The following TRAPPC9 variants were observed in gnomAD, a reference collection of about 807,000 sequenced individuals.
The protein encoded by TRAPPC9 is IKK2 binding protein.
In TRAPPC9, 83 loss-of-function variants were observed where a neutral mutation model predicts 124.0. That is an observed-to-expected ratio of 0.67 (90% CI 0.56 to 0.80). TRAPPC9 has a LOEUF of 0.80. Ranked by LOEUF, TRAPPC9 falls within the 30% of genes least tolerant of loss-of-function variation. The pLI, the probability that TRAPPC9 is intolerant of heterozygous loss-of-function variation, is 0.00. For synonymous variants in TRAPPC9, 638 were observed against 617.5 expected, an observed-to-expected ratio of 1.03 and a Z score of -0.49; for missense variants, 1,302 against 1,508.3, an observed-to-expected ratio of 0.86 and a Z score of 2.27.
intron 17 of TRAPPC9, among the ~76,000 whole-genome samples, chr8:140,148,357 G>A (rs1413769451): frequency 2.6e-5 from 4 of 152,126 alleles, no homozygotes; most frequent in Admixed American, 6.6e-5. Context: ...TTCTAGACTC[G>A]GCTTAGTTAG....
At chr8:140,205,883 C>T (rs940775653) in intron 17 of TRAPPC9, among the ~76,000 whole-genome samples, 1 of 152,194 alleles carries the variant, frequency 6.6e-6, no homozygotes, top group Non-Finnish European at 1.5e-5. Context: ...ACTGACATTA[C>T]CTAGGAGAAG....
intron 7 of TRAPPC9, among the ~76,000 whole-genome samples, chr8:140,387,106 C>T (rs2132323705): frequency 6.6e-6 from 1 of 152,228 alleles, no homozygotes; most frequent in East Asian, 1.9e-4. Flanking sequence ...GGAAAACTGG[C>T]CAGCCATATT....
chr8:140,440,203 C>T (rs1175144849), intron 2 of TRAPPC9, among the ~76,000 whole-genome samples: 1 of 152,182 alleles, frequency 6.6e-6, no homozygotes. Flanking sequence ...AACAGACCCT[C>T]CCCATAAGAA....
intron 21 of TRAPPC9, among the ~76,000 whole-genome samples, chr8:139,750,474 G>A (rs1819239417): frequency 6.6e-6 from 1 of 152,192 alleles, no homozygotes. Context: ...AGTGTGCAGA[G>A]GAGCACCTTA....
chr8:140,163,831 G>A (rs2061788989), intron 17 of TRAPPC9, among the ~76,000 whole-genome samples: 1 of 152,110 alleles, frequency 6.6e-6, no homozygotes, highest in Non-Finnish European at 1.5e-5. Flanking sequence ...TTAACTCCAG[G>A]AGCAAGAAGA....
chr8:140,017,391 T>C (rs1839538651), intron 18 of TRAPPC9, among the ~76,000 whole-genome samples: 1 of 152,224 alleles, frequency 6.6e-6, no homozygotes, highest in African/African-American at 2.4e-5. Flanking sequence ...CTCCAGTGAA[T>C]TCTTGGGCAG....
chr8:140,236,956 G>C (rs185889206), intron 16 of TRAPPC9, among the ~76,000 whole-genome samples: 124 of 152,164 alleles, frequency 8.1e-4, no homozygotes, highest in African/African-American at 2.8e-3. Flanking sequence ...CAGGGAGGGC[G>C]GATCACCGGA....
intron 7 of TRAPPC9, among the ~76,000 whole-genome samples, chr8:140,389,938 CATGAAGTAGATGTAATT>C (rs1484898733): frequency 6.6e-6 from 1 of 151,852 alleles, no homozygotes; most frequent in African/African-American, 2.4e-5. Flanking sequence ...AAATGTCTGC[CATGAAGTAGATGTAATT>C]ATTAAGGGTA....
At chr8:139,861,735 T>A (rs1024494777) in intron 21 of TRAPPC9, among the ~76,000 whole-genome samples, 2 of 151,804 alleles carry the variant, frequency 1.3e-5, no homozygotes, top group African/African-American at 4.8e-5. Flanking sequence ...AATCGAGTGG[T>A]TTTGAACAGA....
At chr8:140,291,926 A>T (rs1385734868) in intron 11 of TRAPPC9, among the ~76,000 whole-genome samples, 1 of 152,192 alleles carries the variant, frequency 6.6e-6, no homozygotes, top group Non-Finnish European at 1.5e-5. Flanking sequence ...GAGTCGTGAG[A>T]GCAGGCCCTT....
In TRAPPC9 at chr8:140,311,390, A is replaced by G. The variant is rs1482888339; in HGVS notation, c.1496-16T>C. The G allele has an allele frequency of 1.2e-6, 2 of 1,612,728 alleles. No homozygotes were observed. Among genetic ancestry groups the G allele is most frequent in the Admixed American group, 1.7e-5 (1 of 60,004 alleles). On this transcript the variant is annotated splice_polypyrimidine_tract_variant and intron_variant, in intron 9 of 22. Coordinates refer to ENST00000438773, the MANE Select transcript of TRAPPC9 (RefSeq NM_001160372.4). ...TCTTTCTTTTCTGAAGAGAAGATGA[A>G]AACAAAATAAAGATGTATTAGGCAA...
At chr8:140,293,011 AT>A (rs1433677562) in intron 11 of TRAPPC9, among the ~76,000 whole-genome samples, 1 of 147,122 alleles carries the variant, frequency 6.8e-6, no homozygotes, top group Non-Finnish European at 1.5e-5. Flanking sequence ...ACTCAAACAA[AT>A]TTACAAGAAA....
intron 13 of TRAPPC9, among the ~76,000 whole-genome samples, chr8:140,285,452 C>T (rs1211632999): frequency 6.6e-6 from 1 of 152,204 alleles, no homozygotes; most frequent in Non-Finnish European, 1.5e-5. Context: ...TGAGGGATGG[C>T]TCTGAACTGC....
At chr8:140,313,634 A>G (rs1447819794) in intron 9 of TRAPPC9, among the ~76,000 whole-genome samples, 1 of 152,068 alleles carries the variant, frequency 6.6e-6, no homozygotes, top group African/African-American at 2.4e-5. Context: ...ATGCCTCAAT[A>G]TTCACTTACT....
At chr8:140,312,661 T>C (rs550063733) in intron 9 of TRAPPC9, among the ~76,000 whole-genome samples, 17 of 151,994 alleles carry the variant, frequency 1.1e-4, no homozygotes, top group Non-Finnish European at 1.9e-4. Context: ...ATAATAAATA[T>C]CAAGGCAAGG....
At chr8:140,377,451 G>A (rs1203530967) in intron 7 of TRAPPC9, among the ~76,000 whole-genome samples, 1 of 151,866 alleles carries the variant, frequency 6.6e-6, no homozygotes, top group African/African-American at 2.4e-5. Flanking sequence ...GGTGCCCGAC[G>A]CCACACCCGG....
rs541979372 is a variant in TRAPPC9 at position 140,218,390 on chromosome 8, A to T, written c.2556+3069T>A. On this transcript the variant is annotated intron_variant, in intron 17 of 22. Coordinates refer to ENST00000438773, the MANE Select transcript of TRAPPC9 (RefSeq NM_001160372.4). ...ATGGACAAAGTCATCAAGAACAACCATTTAAAGATGTTCAAACTGACCAAA... is the reference window on the plus strand; with the variant it reads ...ATGGACAAAGTCATCAAGAACAACCTTTTAAAGATGTTCAAACTGACCAAA... Among the ~76,000 whole-genome samples, 25 of 152,258 alleles carry T rather than the reference A, an allele frequency of 1.6e-4. 1 individual carries two copies. The South Asian group carries it at 5.2e-3, about 32-fold the overall frequency.
chr8:140,204,573 G>A (rs1042477098), intron 17 of TRAPPC9, among the ~76,000 whole-genome samples: 3 of 152,168 alleles, frequency 2.0e-5, no homozygotes, highest in Non-Finnish European at 4.4e-5. Flanking sequence ...GTATACATAT[G>A]TAACAAACCT....
At position 140,219,856 on chromosome 8, in the gene TRAPPC9, G is replaced by A. The variant is rs77499104; in HGVS notation, c.2556+1603C>T. Among the ~76,000 whole-genome samples, 1,093 of 152,324 alleles carry A rather than the reference G, an allele frequency of 7.2e-3. 15 individuals are homozygous for A. Among genetic ancestry groups the A allele is most frequent in the African/African-American group, 0.025 (1,020 of 41,578 alleles). On this transcript the variant is annotated intron_variant, in intron 17 of 22. Transcript: ENST00000438773. ...TGAGCCACTGACCCTGGCTCAATGTGAGGCCTTGTGAATTCAGACGAAAGA... is the reference window on the plus strand; with the variant it reads ...TGAGCCACTGACCCTGGCTCAATGTAAGGCCTTGTGAATTCAGACGAAAGA...
Sources: gnomAD v4.1 joint callset for allele counts (sites outside exome capture counted in the v4.1 genomes callset) on GRCh38, gnomAD v4.1.1 for gene constraint, MANE v1.5 for transcripts, NCBI Gene and HGNC (gene_info 2026-07-23, HGNC 2026-07-21) for gene names.